The following SEPTIN6 variants were observed in gnomAD, a reference collection of about 807,000 sequenced individuals.
SEPTIN6 encodes septin-6.
In SEPTIN6, 8 loss-of-function variants were observed where a neutral mutation model predicts 33.6. The observed-to-expected ratio is 0.24, with a 90% CI of 0.14 to 0.43. The LOEUF (loss-of-function observed/expected upper bound fraction) is 0.43, where lower values mean the gene tolerates loss of function less well. Among genes scored for constraint, SEPTIN6 ranks in the 20% least tolerant of loss-of-function variants. SEPTIN6 has a pLI of 1.00. For missense variants in SEPTIN6, 250 were observed against 340.8 expected (o/e 0.73, Z 2.10); for synonymous variants, 131 against 140.0 (o/e 0.94, Z 0.45).
chrX:119,619,013 A>G lies in SEPTIN6; in HGVS notation c.*1080T>C. 1.0e-5 allele frequency: 10 copies of G among 975,197 alleles called. No individual in the cohort carries two copies. Among genetic ancestry groups the G allele is most frequent in the Non-Finnish European group, 1.3e-5 (10 of 775,489 alleles). The allele number at this position is 975,197 out of a possible 1,213,427, so 80.4% of individuals were successfully genotyped here. A position where few individuals can be genotyped will look rare whatever the true frequency, so the allele number is the denominator to read the frequency against. ...AAACTCTCAACTCCTTAAATTGGAA[A>G]GAAAGTTAAGGGCCTTTTCTTCTCT... On this transcript the variant is annotated 3_prime_UTR_variant, in exon 11 of 11. Coordinates refer to ENST00000394610, the MANE Select transcript of SEPTIN6 (RefSeq NM_145799.4).
intron 3 of SEPTIN6, among the ~76,000 whole-genome samples, chrX:119,660,108 C>T (rs1320973492): frequency 8.9e-6 from 1 of 112,343 alleles, no homozygotes; most frequent in Middle Eastern, 4.2e-3. Flanking sequence ...CTCCTGGCCT[C>T]AAGTGATCCA....
intron 3 of SEPTIN6, among the ~76,000 whole-genome samples, chrX:119,658,059 G>T (rs1203078470): frequency 2.7e-5 from 3 of 111,675 alleles, no homozygotes; most frequent in Non-Finnish European, 5.6e-5. Context: ...CCCGGGAGGC[G>T]GAGCTTGCAG....
chrX:119,623,371 T>C (rs2053800355), intron 10 of SEPTIN6, among the ~76,000 whole-genome samples: 1 of 111,767 alleles, frequency 8.9e-6, no homozygotes, highest in African/African-American at 3.3e-5. Flanking sequence ...AAATATATAC[T>C]AAAGTATTTA....
chrX:119,656,121 T>G (rs1437999077), intron 3 of SEPTIN6, among the ~76,000 whole-genome samples: 1 of 112,376 alleles, frequency 8.9e-6, no homozygotes, highest in African/African-American at 3.2e-5. Flanking sequence ...TTTAGTATAC[T>G]TGGTATATTT....
chrX:119,663,697 A>G lies in SEPTIN6; in HGVS notation c.146-20T>C, dbSNP rs2054586638. On this transcript the variant is annotated intron_variant, in intron 2 of 10. Transcript: ENST00000394610. ...TCTCTCCTGAAAAGCAAAAGGATAA[A>G]TTATGGTCTGTTCACATAGTGACTA... The G allele has an allele frequency of 1.0e-5, 12 of 1,156,038 alleles. No individual in the cohort carries two copies. Among genetic ancestry groups the G allele is most frequent in the Non-Finnish European group, 1.4e-5 (12 of 851,968 alleles).
At chrX:119,643,293 G>A (rs1172478793) in intron 5 of SEPTIN6, among the ~76,000 whole-genome samples, 2 of 109,880 alleles carry the variant, frequency 1.8e-5, no homozygotes, top group East Asian at 2.9e-4. Context: ...GGGAGGAGGT[G>A]ATAAAGAAAA....
Position 119,664,179 on chromosome X carries a change from T to G in SEPTIN6, c.146-502A>C, listed in dbSNP as rs1471614711. On this transcript the variant is annotated intron_variant, in intron 2 of 10. Coordinates refer to ENST00000394610, the MANE Select transcript of SEPTIN6 (RefSeq NM_145799.4). ...TTGTATTTTTAGTAGAGATGGGGTTTCACCATCTTGGCCAGGCTGGTCTCA... is the reference window on the plus strand; with the variant it reads ...TTGTATTTTTAGTAGAGATGGGGTTGCACCATCTTGGCCAGGCTGGTCTCA... Among the ~76,000 whole-genome samples the G allele has an allele frequency of 2.7e-5, 3 of 111,528 alleles. No homozygotes were observed. The East Asian group carries it at 8.4e-4, about 31-fold the overall frequency.
chrX:119,668,012 C>T (rs1394059681), intron 2 of SEPTIN6, among the ~76,000 whole-genome samples: 1 of 111,671 alleles, frequency 9.0e-6, no homozygotes, highest in Non-Finnish European at 1.9e-5. Context: ...TCAAACTATG[C>T]TCTTGCGGGA....
At chrX:119,629,572 C>T in intron 8 of SEPTIN6, 64 bp from the exon 9 acceptor site, 1 of 1,064,935 alleles carries the variant, frequency 9.4e-7, no homozygotes, top group Non-Finnish European at 1.3e-6. Flanking sequence ...CCTGGCCAAG[C>T]CCAGGTGGGT....
intron 10 of SEPTIN6, among the ~76,000 whole-genome samples, chrX:119,620,570 T>C (rs776339417): frequency 5.5e-4 from 60 of 109,326 alleles, no homozygotes; most frequent in Non-Finnish European, 8.4e-4. Context: ...CTGCCCGCCT[T>C]GGCCTCCCAA....
In SEPTIN6 at chrX:119,686,543, A is replaced by C. The variant is rs1386075638; in HGVS notation, c.30+6533T>G. 7.8e-6 allele frequency: 7 copies of C among 896,121 alleles called. No homozygotes were observed. The Admixed American group carries it at 2.1e-4, about 27-fold the overall frequency. 73.9% of individuals were successfully genotyped at this position (896,121 alleles called of 1,213,427 possible). ...TAATGAGAAGACACTGAAGAAGAGG[A>C]TAACATTATTTCTCACCCTCCTGAG... On this transcript the variant is annotated intron_variant, in intron 1 of 10. Coordinates refer to ENST00000394610, the MANE Select transcript of SEPTIN6 (RefSeq NM_145799.4).
At chrX:119,652,247 C>T (rs192760403) in intron 4 of SEPTIN6, among the ~76,000 whole-genome samples, 3 of 111,296 alleles carry the variant, frequency 2.7e-5, no homozygotes, top group East Asian at 2.8e-4. Flanking sequence ...AGGAAGACAA[C>T]GCCTGATTCC....
chrX:119,645,561 C>T (rs1372721081), intron 5 of SEPTIN6, among the ~76,000 whole-genome samples: 1 of 111,178 alleles, frequency 9.0e-6, no homozygotes, highest in Admixed American at 9.6e-5. Flanking sequence ...CCATGCCCGG[C>T]TAATTTTGCA....
intron 3 of SEPTIN6, among the ~76,000 whole-genome samples, chrX:119,659,975 C>G (rs976432775): frequency 4.5e-5 from 5 of 112,327 alleles, no homozygotes; most frequent in Middle Eastern, 4.6e-3. Flanking sequence ...CGGGTTCAAG[C>G]AATTCTTGTG....
At position 119,649,934 on chromosome X, in the gene SEPTIN6, C is replaced by A; in HGVS notation, c.690+3G>T. The A allele has an allele frequency of 8.3e-7, 1 of 1,206,666 alleles. No homozygotes were observed. Among genetic ancestry groups the A allele is most frequent in the Non-Finnish European group, 1.1e-6 (1 of 891,395 alleles). On this transcript the variant is annotated splice_donor_region_variant and intron_variant, in intron 5 of 10. Transcript: ENST00000394610. ...AAATGGTCAGGAAATTGCTCCCACT[C>A]ACGTTCATGGTTCCATTGATCTCTG...
intron 6 of SEPTIN6, among the ~76,000 whole-genome samples, chrX:119,638,337 G>A (rs1254537721): frequency 8.9e-6 from 1 of 112,083 alleles, no homozygotes; most frequent in Non-Finnish European, 1.9e-5. Flanking sequence ...CAGTGGTCAA[G>A]AATGACAGAT....
rs377509401 is a variant in SEPTIN6 at position 119,635,024 on chromosome X, A to AG, written c.957-1533_957-1532insC. 77 of 249,352 alleles carry AG rather than the reference A, an allele frequency of 3.1e-4. No individual in the cohort carries two copies. The East Asian group carries it at 3.9e-3, about 13-fold the overall frequency. The allele number at this position is 249,352 out of a possible 1,213,427, so 20.5% of individuals were successfully genotyped here. ...ACTCTGTCTCAAAAAAAAAAAAAAA[A>AG]AAAGAAAGAAAAGAAAAGAAGAAGT... On this transcript the variant is annotated intron_variant, in intron 7 of 10. Coordinates refer to ENST00000394610, the MANE Select transcript of SEPTIN6 (RefSeq NM_145799.4).
At chrX:119,682,444 G>A (rs181716508) in intron 1 of SEPTIN6, among the ~76,000 whole-genome samples, 2 of 111,067 alleles carry the variant, frequency 1.8e-5, no homozygotes, top group African/African-American at 6.5e-5. Context: ...CTGGGAGAGC[G>A]CCCCACTCCC....
At chrX:119,659,370 T>C (rs745954120) in intron 3 of SEPTIN6, among the ~76,000 whole-genome samples, 1 of 111,768 alleles carries the variant, frequency 8.9e-6, no homozygotes, top group Non-Finnish European at 1.9e-5. Flanking sequence ...ATCACGGTAA[T>C]CTGGCTTCCA....
Sources: gnomAD v4.1 joint callset for allele counts (sites outside exome capture counted in the v4.1 genomes callset) on GRCh38, gnomAD v4.1.1 for gene constraint, MANE v1.5 for transcripts, NCBI Gene and HGNC (gene_info 2026-07-23, HGNC 2026-07-21) for gene names.